Variants in CWC22 observed in about 807,000 individuals in gnomAD.
The protein encoded by CWC22 is pre-mRNA-splicing factor CWC22 homolog.
A neutral mutation model predicts 117.2 loss-of-function variants in CWC22; 53 were observed. The ratio of observed to expected loss-of-function variants is 0.45; its 90% CI spans 0.36 to 0.57. The LOEUF (loss-of-function observed/expected upper bound fraction) is 0.57, where lower values mean the gene tolerates loss of function less well. Among genes scored for constraint, CWC22 ranks in the 20% least tolerant of loss-of-function variants. CWC22 has a pLI of 0.00. For synonymous variants in CWC22, 360 were observed against 355.6 expected (o/e 1.01, Z -0.14); for missense variants, 980 against 1,068.8 (o/e 0.92, Z 1.16).
At chr2:179,990,516 C>T (rs1173611765) in intron 2 of CWC22, among the ~76,000 whole-genome samples, 1 of 145,700 alleles carries the variant, frequency 6.9e-6, no homozygotes, top group African/African-American at 2.6e-5. Flanking sequence ...TTATATGTTC[C>T]CCAGAATGAG....
chr2:179,999,084 G>T (rs778502953), intron 1 of CWC22, among the ~76,000 whole-genome samples: 2 of 152,026 alleles, frequency 1.3e-5, no homozygotes, highest in South Asian at 2.1e-4. Flanking sequence ...GTCTCACAAC[G>T]TAAGTGTGAA....
chr2:179,974,002 T>C (rs1397412963), intron 6 of CWC22, among the ~76,000 whole-genome samples, 200 bp from the exon 7 acceptor site: 1 of 152,188 alleles, frequency 6.6e-6, no homozygotes, highest in African/African-American at 2.4e-5. Flanking sequence ...TTTTGTAAAA[T>C]AGAATGAAGA....
intron 17 of CWC22, 134 bp downstream of exon 17, chr2:179,952,335 TCA>T (rs1268349828): frequency 3.7e-5 from 19 of 507,448 alleles, no homozygotes; most frequent in Non-Finnish European, 4.8e-5. Context: ...AACATGAAAT[TCA>T]CAGTGATTAA....
At chr2:179,953,973 G>A (rs1271456415) in intron 16 of CWC22, among the ~76,000 whole-genome samples, 3 of 152,040 alleles carry the variant, frequency 2.0e-5, no homozygotes, top group African/African-American at 7.2e-5. Flanking sequence ...CATCACTATC[G>A]AAACACTGGC....
At position 179,944,943 on chromosome 2, in the gene CWC22, A is replaced by G. The variant is rs1367639889; in HGVS notation, c.*186T>C. ...ACATCCCTTTCTGGTGAAAGTTTTCAAATAATTTTATGGGTAGGGCCTTGA... is the reference window on the plus strand; with the variant it reads ...ACATCCCTTTCTGGTGAAAGTTTTCGAATAATTTTATGGGTAGGGCCTTGA... On this transcript the variant is annotated 3_prime_UTR_variant, in exon 20 of 20. Transcript: ENST00000410053. 2 of 430,260 alleles carry G rather than the reference A, an allele frequency of 4.6e-6. No homozygotes were observed. The highest frequency in any genetic ancestry group is 7.3e-5 in the South Asian group (1 of 13,706). 26.7% of individuals were successfully genotyped at this position (430,260 alleles called of 1,614,324 possible).
rs181500825 is a variant in CWC22, at chr2:179,955,544, G to A, written c.1459-510C>T. ...ACTTCAACGTTAACATAAAGTTAAC[G>A]TTGATAAAGAAACATCAAAAAACAC... On this transcript the variant is annotated intron_variant, in intron 14 of 19. Coordinates refer to ENST00000410053, the MANE Select transcript of CWC22 (RefSeq NM_020943.3). Among the ~76,000 whole-genome samples, 422 of 151,976 alleles carry A rather than the reference G, an allele frequency of 2.8e-3. 1 individual carries two copies. Among genetic ancestry groups the A allele is most frequent in the Non-Finnish European group, 4.4e-3 (297 of 67,832 alleles).
chr2:179,976,616 CA>C (rs1687157904), intron 6 of CWC22, among the ~76,000 whole-genome samples: 1 of 151,968 alleles, frequency 6.6e-6, no homozygotes, highest in Non-Finnish European at 1.5e-5. Flanking sequence ...AGACATTTTT[CA>C]AAAGATGTAC....
intron 13 of CWC22, among the ~76,000 whole-genome samples, chr2:179,961,280 A>C (rs12693215): frequency 0.89 from 135,369 of 151,854 alleles, 60,379 homozygotes; most frequent in East Asian, 1. Flanking sequence ...CTGTGGAATG[A>C]CCACACCCTT....
intron 2 of CWC22, among the ~76,000 whole-genome samples, chr2:179,991,392 CA>C (rs1442015600): frequency 6.6e-6 from 1 of 152,150 alleles, no homozygotes; most frequent in African/African-American, 2.4e-5. Context: ...AAGAAAGAAT[CA>C]GCATCAACCC....
At position 179,950,636 on chromosome 2, in the gene CWC22, A is replaced by G. The variant is rs1220007937; in HGVS notation, c.2016T>C (p.Ser672=). The change falls in exon 19 of 20, where the codon TCT becomes TCC. Residue 672 remains serine (S), a synonymous_variant. Transcript: ENST00000410053. Reference sequence around the variant, plus strand: ...CAGACTCTGAAGAGGAGGACGCTGAAGAGGAAGAGGATGGGGAGGATTTAT... The same window carrying G: ...CAGACTCTGAAGAGGAGGACGCTGAGGAGGAAGAGGATGGGGAGGATTTAT... ...EQNKSSPSSS[S]SASSSSESDS... is the part of the protein sequence containing the mutation. 1 of 1,613,590 alleles carries G rather than the reference A, an allele frequency of 6.2e-7. No individual in the cohort carries two copies. The highest frequency in any genetic ancestry group is 1.1e-5 in the South Asian group (1 of 91,074).
At position 179,971,065 on chromosome 2, in the gene CWC22, T is replaced by A. The variant is rs3768837; in HGVS notation, c.816A>T (p.Val272=). The change falls in exon 9 of 20, where the codon GTA becomes GTT. Residue 272 remains valine (V), a synonymous_variant. Coordinates refer to ENST00000410053, the MANE Select transcript of CWC22 (RefSeq NM_020943.3). ...GCAAAGTGAGCATCTCTAAGCATAA[T>A]ACTTCGTGTGCCTTAAATAAAATAC... is the stretch of plus-strand genomic sequence containing the variant. The part of the protein sequence containing the change: ...HLINQNVAHE[V]LCLEMLTLLL... The A allele has an allele frequency of 0.81, 1,284,902 of 1,578,338 alleles. 523,976 individuals carry two copies. Among genetic ancestry groups the A allele is most frequent in the South Asian group, 0.86 (73,478 of 85,606 alleles).
intron 1 of CWC22, among the ~76,000 whole-genome samples, chr2:179,999,422 G>A (rs995810407): frequency 3.3e-5 from 5 of 152,086 alleles, no homozygotes; most frequent in South Asian, 4.1e-4. Flanking sequence ...TAGTATTCAC[G>A]AGAGCACTAT....
intron 11 of CWC22, among the ~76,000 whole-genome samples, chr2:179,968,288 C>G (rs1488297682): frequency 6.6e-6 from 1 of 152,144 alleles, no homozygotes; most frequent in Non-Finnish European, 1.5e-5. Flanking sequence ...TGCAATTAAT[C>G]TTAAAATTAC....
intron 13 of CWC22, among the ~76,000 whole-genome samples, chr2:179,963,421 C>T (rs1270922002): frequency 7.6e-6 from 1 of 131,782 alleles, no homozygotes. Context: ...CGGCTCACTG[C>T]AAGCTCCGCC....
intron 8 of CWC22, 23 bp from the exon 9 acceptor site, chr2:179,971,099 G>T: frequency 1.4e-6 from 2 of 1,446,196 alleles, no homozygotes; most frequent in South Asian, 1.4e-5. Flanking sequence ...ACATATACAA[G>T]GAAGAAACAA....
In CWC22 at chr2:179,970,838, C is replaced by T. The variant is rs772183680; in HGVS notation, c.959G>A (p.Arg320Gln). 7.4e-6 allele frequency: 12 copies of T among 1,613,192 alleles called. No individual in the cohort carries two copies. Among genetic ancestry groups the T allele is most frequent in the East Asian group, 2.2e-5 (1 of 44,860 alleles). Residue 320 changes from arginine (R) to glutamine (Q), a missense_variant, in exon 10 of 20, where the codon CGA (arginine) becomes CAA (glutamine). Transcript: ENST00000410053. ...AATTTCAGACTCATGCAGAATGTTT[C>T]GAAGGCGTTCAAATATAGCTAAAAG... ...RGINAIFERL[R>Q]NILHESEIDK...
chr2:179,988,982 C>T (rs1238700969), intron 2 of CWC22, among the ~76,000 whole-genome samples: 2 of 149,708 alleles, frequency 1.3e-5, no homozygotes, highest in Non-Finnish European at 3.0e-5. Context: ...TGGATAAGTT[C>T]TTTAGTGGTG....
rs34435290 is a variant in CWC22 at position 179,980,419 on chromosome 2, AT to A, written c.452+1332del. On this transcript the variant is annotated intron_variant, in intron 5 of 19. Transcript: ENST00000410053. Reference sequence around the variant, plus strand: ...TTCTTTTAGATAAATGACATTTCTTATTTTTTTTTTTTTTTTGAGGCAGAGT... The same window carrying A: ...TTCTTTTAGATAAATGACATTTCTTATTTTTTTTTTTTTTTGAGGCAGAGT... 3.6e-3 allele frequency among the ~76,000 whole-genome samples: 498 copies of A among 136,488 alleles called. 2 individuals are homozygous for A. Among genetic ancestry groups the A allele is most frequent in the African/African-American group, 8.1e-3 (297 of 36,772 alleles). 89.5% of individuals were successfully genotyped at this position (136,488 alleles called of 152,430 possible). A position where few individuals can be genotyped will look rare whatever the true frequency, so the allele number is the denominator to read the frequency against.
chr2:179,968,933 G>A (rs1686962580), intron 11 of CWC22, among the ~76,000 whole-genome samples: 1 of 152,026 alleles, frequency 6.6e-6, no homozygotes, highest in East Asian at 1.9e-4. Flanking sequence ...CTATTATTCT[G>A]AAATAATTTA....
Sources: allele counts gnomAD v4.1 joint callset (sites outside exome capture counted in the v4.1 genomes callset), GRCh38; gene constraint gnomAD v4.1.1; transcripts MANE v1.5; gene names NCBI Gene and HGNC (gene_info 2026-07-23, HGNC 2026-07-21).